The following GUCY1A1 variants were observed in gnomAD, a reference collection of about 807,000 sequenced individuals.
GUCY1A1 encodes guanylate cyclase soluble subunit alpha-1.
Under a neutral mutation model 64.5 loss-of-function variants are expected in GUCY1A1, and 48 were observed. The ratio of observed to expected loss-of-function variants is 0.74; its 90% CI spans 0.59 to 0.95. The LOEUF is 0.95. Ranked by LOEUF, GUCY1A1 falls within the 40% of genes least tolerant of loss-of-function variation. The pLI is 0.00. For missense variants in GUCY1A1, 804 were observed against 825.3 expected, an observed-to-expected ratio of 0.97 and a Z score of 0.32; for synonymous variants, 308 against 303.4, an observed-to-expected ratio of 1.02 and a Z score of -0.16.
intron 9 of GUCY1A1, among the ~76,000 whole-genome samples, chr4:155,728,131 T>C (rs930994318): frequency 5.9e-5 from 9 of 151,980 alleles, no homozygotes; most frequent in African/African-American, 2.2e-4. Flanking sequence ...CAGTATTATG[T>C]TTCTGAGATA....
rs1054992004 is a variant in GUCY1A1, at chr4:155,710,963, G to C, written c.798G>C (p.Leu266=). Residue 266 remains leucine, a synonymous_variant, in exon 6 of 10, where the codon CTG becomes CTC. Coordinates refer to ENST00000506455, the MANE Select transcript of GUCY1A1 (RefSeq NM_001130682.3). ...SVHMKSTKPS[L]SPSKPQSSLV... ...ACATGAAAAGCACCAAGCCATCCCT[G>C]TCCCCCAGCAAACCCCAGTCCTCGC... The C allele has an allele frequency of 8.7e-6, 14 of 1,613,388 alleles. No homozygotes were observed. Among genetic ancestry groups the C allele is most frequent in the Middle Eastern group, 1.7e-4 (1 of 6,060 alleles).
Position 155,703,930 on chromosome 4 carries a change from A to C in GUCY1A1, c.256-2A>C. On this transcript the variant is annotated splice_acceptor_variant, in intron 3 of 9. Coordinates refer to ENST00000506455, the MANE Select transcript of GUCY1A1 (RefSeq NM_001130682.3). LOFTEE classifies it high-confidence loss of function. The stretch of plus-strand genomic sequence containing the variant: ...TTTAAAACATTTCTTTTGAACTTTC[A>C]GTTTGAACGGCTGAATGTTGCACTT... The C allele has an allele frequency of 6.3e-7, 1 of 1,592,520 alleles. No individual in the cohort carries two copies. The highest frequency in any genetic ancestry group is 2.2e-5 in the East Asian group (1 of 44,744).
At chr4:155,706,524 T>TTC (rs928223247) in intron 4 of GUCY1A1, among the ~76,000 whole-genome samples, 1 of 148,610 alleles carries the variant, frequency 6.7e-6, no homozygotes, top group African/African-American at 2.4e-5. Context: ...CCCCTCCTCT[T>TTC]TTTTTTTTTT....
rs953154660 is a variant in GUCY1A1, at chr4:155,718,775, C to T, written c.1716+1473C>T. On this transcript the variant is annotated intron_variant, in intron 8 of 9. Coordinates refer to ENST00000506455, the MANE Select transcript of GUCY1A1 (RefSeq NM_001130682.3). ...GCATGACTTAGTCTTGGAAGACACA[C>T]CGCAACACTTCCACTGCACTCTATC... is the stretch of plus-strand genomic sequence containing the variant. Among the ~76,000 whole-genome samples, 2 of 152,146 alleles carry T rather than the reference C, an allele frequency of 1.3e-5. 1 individual carries two copies. The highest frequency in any genetic ancestry group is 1.3e-4 in the Admixed American group (2 of 15,272).
chr4:155,730,484 A>T lies in GUCY1A1; in HGVS notation c.*253A>T. 6.1e-6 allele frequency: 2 copies of T among 326,110 alleles called. No individual in the cohort carries two copies. Among genetic ancestry groups the T allele is most frequent in the South Asian group, 5.7e-5 (1 of 17,548 alleles). The allele number at this position is 326,110 out of a possible 1,614,324, so 20.2% of individuals were successfully genotyped here. ...TATTTCTATTATATAACCAGCACTT[A>T]CTACCTGTACTCAAAATTCAGCACC... On this transcript the variant is annotated 3_prime_UTR_variant, in exon 10 of 10. Coordinates refer to ENST00000506455, the MANE Select transcript of GUCY1A1 (RefSeq NM_001130682.3).
chr4:155,726,590 T>C (rs890261520), intron 9 of GUCY1A1, among the ~76,000 whole-genome samples: 36 of 151,976 alleles, frequency 2.4e-4, no homozygotes, highest in African/African-American at 6.8e-4. Flanking sequence ...CCATGATATA[T>C]TTCTGAAATA....
intron 2 of GUCY1A1, among the ~76,000 whole-genome samples, chr4:155,680,225 A>C (rs993130657): frequency 2.0e-5 from 3 of 152,174 alleles, no homozygotes; most frequent in Non-Finnish European, 4.4e-5. Context: ...GAATGTTCGT[A>C]GTTTTCAGTG....
chr4:155,725,702 C>T (rs1734568659), intron 9 of GUCY1A1, among the ~76,000 whole-genome samples: 1 of 151,976 alleles, frequency 6.6e-6, no homozygotes, highest in Non-Finnish European at 1.5e-5. Context: ...CTGATATTAG[C>T]TACTTATTTT....
chr4:155,711,139 A>T lies in GUCY1A1; in HGVS notation c.974A>T (p.Glu325Val). 6.2e-7 allele frequency: 1 copy of T among 1,613,750 alleles called. No homozygotes were observed. Among genetic ancestry groups the T allele is most frequent in the Non-Finnish European group, 8.5e-7 (1 of 1,179,620 alleles). ...QGKPNFEEYFEILTPKINQTF... is the reference protein window; with the variant it reads ...QGKPNFEEYFVILTPKINQTF... ...AAGCCTAATTTTGAAGAATACTTTG[A>T]AATTCTGACTCCAAAAATCAACCAG... Residue 325 changes from glutamate to valine, a missense_variant, in exon 6 of 10, where the codon GAA becomes GTA. Transcript: ENST00000506455.
At chr4:155,722,297 T>G in intron 9 of GUCY1A1, 105 bp downstream of exon 9, 1 of 1,483,156 alleles carries the variant, frequency 6.7e-7, no homozygotes. Context: ...TCTTCCTTAG[T>G]CGTAAGGAAA....
intron 1 of GUCY1A1, 71 bp downstream of exon 1, chr4:155,667,036 G>C (rs762105809): frequency 4.6e-5 from 7 of 152,424 alleles, no homozygotes; most frequent in Non-Finnish European, 8.8e-5. Flanking sequence ...GCAGAGGTCT[G>C]AAAAAATCGA....
intron 2 of GUCY1A1, among the ~76,000 whole-genome samples, chr4:155,678,812 G>C (rs567053486): frequency 6.6e-6 from 1 of 152,322 alleles, no homozygotes; most frequent in East Asian, 1.9e-4. Flanking sequence ...TAATCTGTGA[G>C]ATTTCCAGTT....
chr4:155,670,864 G>A (rs1048412005), intron 2 of GUCY1A1, among the ~76,000 whole-genome samples: 2 of 152,138 alleles, frequency 1.3e-5, no homozygotes, highest in South Asian at 2.1e-4. Flanking sequence ...AAGTCGACAC[G>A]AGACAATGGC....
At chr4:155,682,082 T>C (rs1735853986) in intron 2 of GUCY1A1, among the ~76,000 whole-genome samples, 1 of 152,264 alleles carries the variant, frequency 6.6e-6, no homozygotes, top group South Asian at 2.1e-4. Context: ...ACTTTAATTT[T>C]ATAATATCTC....
chr4:155,702,624 TTCTCTC>T (rs1479950383), intron 3 of GUCY1A1, among the ~76,000 whole-genome samples: 1 of 152,324 alleles, frequency 6.6e-6, no homozygotes, highest in Non-Finnish European at 1.5e-5. Context: ...ATAGTATCCT[TTCTCTC>T]TATATCTGAA....
chr4:155,720,577 G>C (rs1197990720), intron 8 of GUCY1A1, among the ~76,000 whole-genome samples: 3 of 152,108 alleles, frequency 2.0e-5, no homozygotes, highest in Non-Finnish European at 2.9e-5. Context: ...CCAGTTACTA[G>C]TAGAGCTTGT....
chr4:155,692,951 T>C (rs1729946337), intron 2 of GUCY1A1, among the ~76,000 whole-genome samples: 1 of 151,916 alleles, frequency 6.6e-6, no homozygotes, highest in Non-Finnish European at 1.5e-5. Flanking sequence ...CCCAGCTACT[T>C]GGGAGGCTGA....
rs1731881527 is a variant in GUCY1A1 at position 155,707,107 on chromosome 4, A to C, written c.318-1129A>C. Among the ~76,000 whole-genome samples the C allele has an allele frequency of 2.6e-5, 4 of 152,224 alleles. No homozygotes were observed. In the South Asian group the frequency reaches 8.3e-4, roughly 32 times the overall value. On this transcript the variant is annotated intron_variant, in intron 4 of 9. Transcript: ENST00000506455. ...AAAGATTCTATGTATTTGCTTTAGG[A>C]AAATATATAATATTACTTAAAAGTG...
intron 4 of GUCY1A1, among the ~76,000 whole-genome samples, chr4:155,705,551 A>AG (rs1731644953): frequency 6.6e-6 from 1 of 152,010 alleles, no homozygotes; most frequent in South Asian, 2.1e-4. Context: ...AAAAAAAAAA[A>AG]AAAAAAAAGT....
Sources: allele counts gnomAD v4.1 joint callset (sites outside exome capture counted in the v4.1 genomes callset), GRCh38; gene constraint gnomAD v4.1.1; transcripts MANE v1.5; gene names NCBI Gene and HGNC (gene_info 2026-07-23, HGNC 2026-07-21).